Variants in DTNA observed in about 807,000 individuals in gnomAD.
DTNA encodes dystrobrevin alpha, also known as dystrophin-related protein 3.
DTNA carries 43 observed loss-of-function variants against 100.7 expected under a neutral mutation model. The observed-to-expected ratio is 0.43, with a 90% confidence interval of 0.33 to 0.55. The LOEUF (loss-of-function observed/expected upper bound fraction) is 0.55, where lower values mean the gene tolerates loss of function less well. Among genes scored for constraint, DTNA ranks in the 20% least tolerant of loss-of-function variants. The pLI is 0.04. For missense variants in DTNA, 798 were observed against 953.9 expected, an observed-to-expected ratio of 0.84 and a Z score of 2.15; for synonymous variants, 349 against 347.9, an observed-to-expected ratio of 1.00 and a Z score of -0.04.
chr18:34,708,775 T>G (rs983594060), upstream of DTNA, among the ~76,000 whole-genome samples: 4 of 152,214 alleles, frequency 2.6e-5, no homozygotes, highest in South Asian at 2.1e-4. Flanking sequence ...AAAAATCACA[T>G]ATTGACTAAA....
chr18:34,543,886 A>G (rs1432518190), intron 1 of DTNA, among the ~76,000 whole-genome samples: 1 of 152,124 alleles, frequency 6.6e-6, no homozygotes, highest in African/African-American at 2.4e-5. Flanking sequence ...AAATGAGAAA[A>G]ATAAGCCTGA....
chr18:34,609,620 C>T (rs1189493531), intron 1 of DTNA, among the ~76,000 whole-genome samples: 1 of 152,168 alleles, frequency 6.6e-6, no homozygotes, highest in Non-Finnish European at 1.5e-5. Context: ...GATATAGCTA[C>T]TGTCTTCAAA....
chr18:34,654,528 A>G (rs186320612), intron 1 of DTNA, among the ~76,000 whole-genome samples: 53 of 152,336 alleles, frequency 3.5e-4, no homozygotes, highest in African/African-American at 1.3e-3. Context: ...CTCAGAACAC[A>G]CGCAGTACCT....
chr18:34,806,042 T>C (rs1415408360), intron 4 of DTNA, among the ~76,000 whole-genome samples, 177 bp from the exon 5 acceptor site: 3 of 152,246 alleles, frequency 2.0e-5, no homozygotes, highest in African/African-American at 7.2e-5. Flanking sequence ...GATATGTGCA[T>C]TGAATTGTTT....
intron 4 of DTNA, among the ~76,000 whole-genome samples, chr18:34,804,534 G>A (rs901505899): frequency 2.0e-5 from 3 of 152,118 alleles, no homozygotes; most frequent in East Asian, 1.9e-4. Context: ...ACATTTGTTC[G>A]GAGTGGTAGT....
intron 1 of DTNA, among the ~76,000 whole-genome samples, chr18:34,688,989 C>T (rs202041363): frequency 1.3e-5 from 2 of 152,032 alleles, no homozygotes; most frequent in East Asian, 3.9e-4. Flanking sequence ...TTTTTCACCT[C>T]CATCAGGTCA....
intron 13 of DTNA, among the ~76,000 whole-genome samples, chr18:34,848,044 T>C (rs1233626213): frequency 6.6e-6 from 1 of 152,240 alleles, no homozygotes; most frequent in Non-Finnish European, 1.5e-5. Flanking sequence ...ATCAGAATAG[T>C]CACCTCTCTG....
chr18:34,526,586 C>A (rs1036997488), intron 1 of DTNA, among the ~76,000 whole-genome samples: 1 of 151,962 alleles, frequency 6.6e-6, no homozygotes, highest in Non-Finnish European at 1.5e-5. Flanking sequence ...AGAAAACGGC[C>A]GTGTCCCTAT....
intron 1 of DTNA, chr18:34,504,110 C>T (rs1211640494): frequency 6.6e-6 from 1 of 152,098 alleles, no homozygotes; most frequent in Non-Finnish European, 1.5e-5. Context: ...CCCACCTCGG[C>T]CTCCCAAAGT....
chr18:34,680,753 G>C (rs2077989682), intron 1 of DTNA, among the ~76,000 whole-genome samples: 1 of 152,076 alleles, frequency 6.6e-6, no homozygotes, highest in Non-Finnish European at 1.5e-5. Flanking sequence ...AAAAATACCA[G>C]TAAATCAATT....
intron 1 of DTNA, among the ~76,000 whole-genome samples, chr18:34,727,975 A>G (rs545572474): frequency 1.3e-5 from 2 of 152,346 alleles, no homozygotes; most frequent in South Asian, 2.1e-4. Context: ...GCAAAAAATG[A>G]TAGAAATAAA....
At chr18:34,643,564 G>A (rs1293623669) in intron 1 of DTNA, among the ~76,000 whole-genome samples, 1 of 152,078 alleles carries the variant, frequency 6.6e-6, no homozygotes, top group Non-Finnish European at 1.5e-5. Flanking sequence ...TTCTCTGCAG[G>A]TGTTTTGAGA....
At chr18:34,692,603 C>A (rs1292989282) in intron 1 of DTNA, among the ~76,000 whole-genome samples, 2 of 152,194 alleles carry the variant, frequency 1.3e-5, no homozygotes, top group Non-Finnish European at 2.9e-5. Flanking sequence ...TTTATAACTG[C>A]ACAGATCTTT....
chr18:34,658,761 G>A (rs1469892473), intron 1 of DTNA, among the ~76,000 whole-genome samples: 1 of 152,196 alleles, frequency 6.6e-6, no homozygotes, highest in East Asian at 1.9e-4. Context: ...AAACAGAACA[G>A]AAAAGTCCAG....
chr18:34,752,548 C>T (rs2092410671), intron 1 of DTNA, among the ~76,000 whole-genome samples: 1 of 152,186 alleles, frequency 6.6e-6, no homozygotes, highest in Admixed American at 6.5e-5. Flanking sequence ...CCCATTTTTA[C>T]TATTATGACT....
intron 1 of DTNA, among the ~76,000 whole-genome samples, chr18:34,510,906 C>A (rs984984956): frequency 3.9e-5 from 6 of 151,980 alleles, no homozygotes; most frequent in Admixed American, 1.3e-4. Flanking sequence ...GTGTTTAAAT[C>A]ATGCAGCTGA....
Position 34,889,271 on chromosome 18 carries a change from A to G in DTNA, c.*1537A>G, listed in dbSNP as rs561696132. On this transcript the variant is annotated 3_prime_UTR_variant, in exon 23 of 23. Transcript: ENST00000444659. ...AAAGTGTGTTCCCCGGACAAGCAGC[A>G]TCTGCAACACTTAGGAAGGTCTTCG... The G allele has an allele frequency of 3.0e-6, 3 of 984,508 alleles. No individual in the cohort carries two copies. In the Admixed American group the frequency reaches 1.8e-4, roughly 60 times the overall value. 61.0% of individuals were successfully genotyped at this position (984,508 alleles called of 1,614,324 possible). A position where few individuals can be genotyped will look rare whatever the true frequency, so the allele number is the denominator to read the frequency against.
chr18:34,867,246 A>G, intron 17 of DTNA: 5 of 1,231,446 alleles, frequency 4.1e-6, no homozygotes, highest in Non-Finnish European at 4.0e-6. Flanking sequence ...AAAATGCTGG[A>G]CACATTTTTA....
intron 1 of DTNA, among the ~76,000 whole-genome samples, chr18:34,562,136 A>G (rs190755330): frequency 6.6e-6 from 1 of 152,338 alleles, no homozygotes; most frequent in East Asian, 1.9e-4. Flanking sequence ...AAGGACATTT[A>G]TGTATTCCAA....
Sources: allele counts gnomAD v4.1 joint callset (sites outside exome capture counted in the v4.1 genomes callset), GRCh38; gene constraint gnomAD v4.1.1; transcripts MANE v1.5; gene names NCBI Gene and HGNC (gene_info 2026-07-23, HGNC 2026-07-21).